The following TMEM116 variants were observed in gnomAD, a reference collection of about 807,000 sequenced individuals.
The protein encoded by TMEM116 is transmembrane protein 116.
In TMEM116, 38 loss-of-function variants were observed where a neutral mutation model predicts 44.3. The ratio of observed to expected loss-of-function variants is 0.86; its 90% confidence interval spans 0.66 to 1.12. The LOEUF (loss-of-function observed/expected upper bound fraction) is 1.12. Among genes scored for constraint, TMEM116 ranks in the 50% most tolerant of loss-of-function variants. The probability of loss-of-function intolerance (pLI) is 0.00; values close to 1 mark genes in which losing one functional copy is unlikely to be tolerated. For missense variants in TMEM116, 354 were observed against 401.7 expected (o/e 0.88, Z 1.01); for synonymous variants, 132 against 144.8 (o/e 0.91, Z 0.64).
intron 4 of TMEM116, among the ~76,000 whole-genome samples, chr12:111,961,251 G>C (rs962504484): frequency 6.6e-6 from 1 of 152,094 alleles, no homozygotes; most frequent in Non-Finnish European, 1.5e-5. Flanking sequence ...AGGTACAAAG[G>C]GGAGCTGGTA....
intron 8 of TMEM116, chr12:111,936,391 G>T: frequency 4.2e-6 from 1 of 236,246 alleles, no homozygotes. Flanking sequence ...ACTATGTAAA[G>T]GATATATTTG....
intron 4 of TMEM116, among the ~76,000 whole-genome samples, chr12:111,965,197 T>C (rs1412293572): frequency 6.6e-6 from 1 of 152,268 alleles, no homozygotes; most frequent in East Asian, 1.9e-4. Context: ...CATTTTTTTT[T>C]CCTCAAGAGC....
At chr12:111,995,023 A>G (rs1226530787) in intron 3 of TMEM116, among the ~76,000 whole-genome samples, 1 of 152,160 alleles carries the variant, frequency 6.6e-6, no homozygotes, top group African/African-American at 2.4e-5. Flanking sequence ...CCCTGACTGC[A>G]CGTCCGTTTA....
chr12:112,007,240 C>T (rs757269133), intron 1 of TMEM116, among the ~76,000 whole-genome samples: 1 of 152,086 alleles, frequency 6.6e-6, no homozygotes, highest in Non-Finnish European at 1.5e-5. Context: ...CATGGCAAAA[C>T]CTTTCTCTAC....
chr12:111,956,936 C>G (rs919540092), intron 4 of TMEM116, among the ~76,000 whole-genome samples: 1 of 152,086 alleles, frequency 6.6e-6, no homozygotes. Context: ...GCCGCCACCC[C>G]GTATAGGAAG....
chr12:112,010,151 C>T (rs752162745), intron 1 of TMEM116, among the ~76,000 whole-genome samples: 5 of 152,206 alleles, frequency 3.3e-5, no homozygotes, highest in Non-Finnish European at 7.3e-5. Context: ...CATGTTCATT[C>T]CCGTATCTGC....
chr12:112,001,192 G>C (rs1417082836), intron 3 of TMEM116, among the ~76,000 whole-genome samples: 1 of 152,160 alleles, frequency 6.6e-6, no homozygotes, highest in Non-Finnish European at 1.5e-5. Context: ...AGCCAAATTA[G>C]ACCTTAACAC....
chr12:111,940,536 TATATATATAC>T (rs1434648350), intron 5 of TMEM116, among the ~76,000 whole-genome samples: 12 of 117,988 alleles, frequency 1.0e-4, no homozygotes, highest in East Asian at 1.5e-3. Context: ...TATATATATA[TATATATATAC>T]ACACACACAT....
chr12:112,005,132 T>C (rs2077510170), intron 2 of TMEM116, 125 bp downstream of exon 2: 3 of 583,378 alleles, frequency 5.1e-6, no homozygotes, highest in Non-Finnish European at 8.3e-6. Flanking sequence ...ATCAAGATGA[T>C]AAAGAATATC....
intron 4 of TMEM116, among the ~76,000 whole-genome samples, chr12:111,977,555 T>C (rs912192987): frequency 2.6e-5 from 4 of 152,078 alleles, no homozygotes; most frequent in African/African-American, 9.7e-5. Flanking sequence ...CCTAGAAAAG[T>C]TAAAGAAGTT....
intron 1 of TMEM116, among the ~76,000 whole-genome samples, chr12:112,006,393 A>C (rs2077587992): frequency 1.3e-5 from 2 of 152,348 alleles, no homozygotes; most frequent in African/African-American, 4.8e-5. Flanking sequence ...TGGGATAGAA[A>C]GGAGGTCTCC....
At chr12:111,962,415 T>C (rs921943117) in intron 4 of TMEM116, among the ~76,000 whole-genome samples, 1 of 152,132 alleles carries the variant, frequency 6.6e-6, no homozygotes, top group Non-Finnish European at 1.5e-5. Flanking sequence ...CTTCAAACTA[T>C]ACTACAAAGC....
chr12:111,957,147 G>T (rs1323952038), intron 4 of TMEM116, among the ~76,000 whole-genome samples: 3 of 150,444 alleles, frequency 2.0e-5, no homozygotes, highest in African/African-American at 7.4e-5. Flanking sequence ...AGTGAGGAGT[G>T]CCTCTTCCTG....
intron 4 of TMEM116, among the ~76,000 whole-genome samples, chr12:111,971,498 TAA>T (rs79281964): frequency 1.0e-4 from 14 of 134,186 alleles, no homozygotes; most frequent in African/African-American, 2.1e-4. Flanking sequence ...ACCAGTAACT[TAA>T]AAAAAAAAAA....
chr12:111,958,052 T>C (rs2074284539), intron 4 of TMEM116, among the ~76,000 whole-genome samples: 3 of 152,084 alleles, frequency 2.0e-5, no homozygotes, highest in African/African-American at 7.2e-5. Flanking sequence ...AGATGTGCTT[T>C]GTTAAACAGA....
chr12:111,969,866 C>CA lies in TMEM116; in HGVS notation c.210+21891dup, dbSNP rs1239657197. On this transcript the variant is annotated intron_variant, in intron 4 of 10. Transcript: ENST00000552374. ...AAGTGCGGGGATTACAGGTGTGAGC[C>CA]ACTGCGCCTGGCCTGAGATTTTTTT... 4.6e-5 allele frequency among the ~76,000 whole-genome samples: 7 copies of CA among 152,262 alleles called. No homozygotes were observed. The East Asian group carries it at 1.2e-3, about 25-fold the overall frequency.
chr12:111,958,018 G>A (rs2074282799), intron 4 of TMEM116, among the ~76,000 whole-genome samples: 2 of 152,016 alleles, frequency 1.3e-5, no homozygotes, highest in Non-Finnish European at 2.9e-5. Context: ...TCCACTAAGG[G>A]TTAAATGGAT....
At chr12:111,947,778 A>G (rs889694409) in intron 4 of TMEM116, among the ~76,000 whole-genome samples, 3 of 152,246 alleles carry the variant, frequency 2.0e-5, no homozygotes, top group Admixed American at 1.3e-4. Flanking sequence ...TAACTTCAAT[A>G]TTAATGGACT....
intron 4 of TMEM116, among the ~76,000 whole-genome samples, chr12:111,965,357 A>T (rs12423699): frequency 0.092 from 14,021 of 152,216 alleles, 711 homozygotes; most frequent in East Asian, 0.23. Context: ...AACACACCAA[A>T]TTTTTTAATA....
Sources: allele counts gnomAD v4.1 joint callset (sites outside exome capture counted in the v4.1 genomes callset), GRCh38; gene constraint gnomAD v4.1.1; transcripts MANE v1.5; gene names NCBI Gene and HGNC (gene_info 2026-07-23, HGNC 2026-07-21).